Variants in BTLA observed in about 807,000 individuals in gnomAD.
The protein encoded by BTLA is B and T lymphocyte associated, also known as B- and T-lymphocyte attenuator.
In BTLA, 11 loss-of-function variants were observed where a neutral mutation model predicts 25.0. The ratio of observed to expected loss-of-function variants is 0.44; its 90% CI spans 0.28 to 0.73. BTLA has a LOEUF of 0.73. Among genes scored for constraint, BTLA ranks in the 30% least tolerant of loss-of-function variants. The pLI, the probability that BTLA is intolerant of heterozygous loss-of-function variation, is 0.15. For missense variants in BTLA, 282 were observed against 332.8 expected, an observed-to-expected ratio of 0.85 and a Z score of 1.19; for synonymous variants, 104 against 119.8, an observed-to-expected ratio of 0.87 and a Z score of 0.86.
Position 112,465,549 on chromosome 3 carries a change from A to C in BTLA, c.*559T>G, listed in dbSNP as rs1250643945. On this transcript the variant is annotated 3_prime_UTR_variant, in exon 5 of 5. Coordinates refer to ENST00000334529, the MANE Select transcript of BTLA (RefSeq NM_181780.4). ...TTGGTATATTCTATATTTTTATTGC[A>C]CCATTTATTATTTTCATTTTCTTAC... 6.6e-6 allele frequency: 1 copy of C among 152,566 alleles called. No homozygotes were observed. The allele number at this position is 152,566 out of a possible 1,614,324, so 9.5% of individuals were successfully genotyped here.
At chr3:112,477,537 G>T (rs751950901) in intron 2 of BTLA, among the ~76,000 whole-genome samples, 4 of 151,808 alleles carry the variant, frequency 2.6e-5, no homozygotes, top group Admixed American at 2.6e-4. Flanking sequence ...AAATTAGGTT[G>T]CCAGTCTATT....
At position 112,466,242 on chromosome 3, in the gene BTLA, G is replaced by C; in HGVS notation, c.736C>G (p.Pro246Ala). The change falls in exon 5 of 5, where the codon CCA becomes GCA. Residue 246 changes from proline (P) to alanine (A), a missense_variant. Pro to Ala is a conservative substitution (Grantham distance 27). Transcript: ENST00000334529. ...CCTGGTTTGTTTTCTTCCAGGCATG[G>C]ATTAGAATAAACTTCAGACCCTTCC... ...MQEGSEVYSN[P>A]CLEENKPGIV... The C allele has an allele frequency of 6.2e-7, 1 of 1,614,142 alleles. No individual in the cohort carries two copies. Among genetic ancestry groups the C allele is most frequent in the Non-Finnish European group, 8.5e-7 (1 of 1,180,004 alleles).
intron 1 of BTLA, among the ~76,000 whole-genome samples, chr3:112,488,115 G>A (rs1054071256): frequency 6.6e-6 from 1 of 152,000 alleles, no homozygotes; most frequent in Admixed American, 6.6e-5. Context: ...TCTGTTTCAT[G>A]TGGATTATTG....
rs566156882 is a variant in BTLA at position 112,475,455 on chromosome 3, C to T, written c.403+4000G>A. On this transcript the variant is annotated intron_variant, in intron 2 of 4. Transcript: ENST00000334529. ...CTTTCCCCTAAAGTTGGGTTCTTTC[C>T]TCCACAAAATAGATAGATTGTTGAT... Among the ~76,000 whole-genome samples the T allele has an allele frequency of 3.9e-5, 6 of 152,254 alleles. No homozygotes were observed. In the East Asian group the frequency reaches 9.6e-4, roughly 24 times the overall value.
At chr3:112,479,194 C>T (rs114092838) in intron 2 of BTLA, among the ~76,000 whole-genome samples, 6,113 of 152,146 alleles carry the variant, frequency 0.04, 185 homozygotes, top group Non-Finnish European at 0.059. Context: ...TTGGACTTAT[C>T]AAATAAATTT....
At chr3:112,475,392 C>T (rs1039308457) in intron 2 of BTLA, among the ~76,000 whole-genome samples, 10 of 152,164 alleles carry the variant, frequency 6.6e-5, no homozygotes, top group African/African-American at 2.4e-4. Context: ...TTCCATAAAA[C>T]CCCCCAAGGC....
intron 2 of BTLA, among the ~76,000 whole-genome samples, chr3:112,473,024 A>T (rs909263053): frequency 6.6e-6 from 1 of 151,922 alleles, no homozygotes; most frequent in Admixed American, 6.5e-5. Context: ...CACCAAAAAA[A>T]CCTAATTTCC....
chr3:112,483,622 T>C (rs2082330177), intron 1 of BTLA, among the ~76,000 whole-genome samples: 1 of 151,934 alleles, frequency 6.6e-6, no homozygotes, highest in South Asian at 2.1e-4. Flanking sequence ...TGCCTTCTAA[T>C]GGGAAATAAA....
At position 112,466,386 on chromosome 3, in the gene BTLA, A is replaced by T; in HGVS notation, c.595-3T>A. The T allele has an allele frequency of 6.4e-7, 1 of 1,562,208 alleles. No individual in the cohort carries two copies. The highest frequency in any genetic ancestry group is 1.4e-5 in the African/African-American group (1 of 73,270). On this transcript the variant is annotated splice_polypyrimidine_tract_variant and splice_region_variant and intron_variant, in intron 4 of 4. Coordinates refer to ENST00000334529, the MANE Select transcript of BTLA (RefSeq NM_181780.4). ...TCACTCTTAAGGTGAGCATCAACCT[A>T]CAATAGAAAAAAAGATGGTTTTAAG...
intron 2 of BTLA, among the ~76,000 whole-genome samples, chr3:112,477,887 C>T (rs2082297182): frequency 6.6e-6 from 1 of 151,932 alleles, no homozygotes; most frequent in Non-Finnish European, 1.5e-5. Context: ...TATTCTTTCC[C>T]CACTGAATAA....
At chr3:112,488,251 A>G (rs71317505) in intron 1 of BTLA, among the ~76,000 whole-genome samples, 5,311 of 125,822 alleles carry the variant, frequency 0.042, 164 homozygotes, top group Admixed American at 0.1. Context: ...TTTTTGAGAC[A>G]GAGTCTCGCT....
chr3:112,466,955 CTTCTTTTTTT>C (rs1559822331), intron 4 of BTLA, among the ~76,000 whole-genome samples: 4 of 141,778 alleles, frequency 2.8e-5, no homozygotes, highest in Admixed American at 7.0e-5. Context: ...AAAGAAAATT[CTTCTTTTTTT>C]TTTTTTTTTT....
chr3:112,496,356 CA>C (rs376901665), intron 1 of BTLA, among the ~76,000 whole-genome samples: 164 of 152,098 alleles, frequency 1.1e-3, no homozygotes, highest in African/African-American at 3.7e-3. Context: ...TAGAGAAACA[CA>C]AAAAGTAAGC....
rs56752404 is a variant in BTLA, at chr3:112,464,798, AACACACACACACACACAC to A, written c.*1292_*1309del. The A allele has an allele frequency of 6.8e-6, 1 of 146,494 alleles. No homozygotes were observed. Among genetic ancestry groups the A allele is most frequent in the African/African-American group, 2.5e-5 (1 of 40,010 alleles). 9.1% of individuals were successfully genotyped at this position (146,494 alleles called of 1,614,324 possible). ...ATTTCTGTTGTCACCCACCCCACCT[AACACACACACACACACAC>A]ACACACACACACATCACATTCCTTT... On this transcript the variant is annotated 3_prime_UTR_variant, in exon 5 of 5. Coordinates refer to ENST00000334529, the MANE Select transcript of BTLA (RefSeq NM_181780.4).
intron 1 of BTLA, among the ~76,000 whole-genome samples, chr3:112,497,904 C>A (rs186254738): frequency 6.6e-6 from 1 of 152,152 alleles, no homozygotes; most frequent in African/African-American, 2.4e-5. Context: ...TGAAAAATCA[C>A]TGGGCATGGT....
In BTLA at chr3:112,466,315, T is replaced by C; in HGVS notation, c.663A>G (p.Ser221=). The C allele has an allele frequency of 6.2e-7, 1 of 1,613,962 alleles. No individual in the cohort carries two copies. The highest frequency in any genetic ancestry group is 1.3e-5 in the African/African-American group (1 of 75,052). ...STRQNSQVLL[S]ETGIYDNDPD... The stretch of plus-strand genomic sequence containing the variant: ...GGTCATTATCATAAATTCCAGTTTC[T>C]GATAGCAGTACTTGGGAATTTTGCC... Residue 221 remains serine (S), a synonymous_variant, in exon 5 of 5, where the codon TCA becomes TCG. Transcript: ENST00000334529.
chr3:112,473,383 G>C (rs146906142), intron 2 of BTLA, among the ~76,000 whole-genome samples: 1 of 151,910 alleles, frequency 6.6e-6, no homozygotes, highest in Admixed American at 6.6e-5. Context: ...TAAATACAAC[G>C]CAATCTTTGT....
chr3:112,470,468 G>A (rs1193732410), intron 3 of BTLA: 3 of 152,236 alleles, frequency 2.0e-5, no homozygotes, highest in African/African-American at 4.8e-5. Flanking sequence ...CTGGTGTTGT[G>A]AAAACAGGAA....
At chr3:112,499,227 C>T in intron 1 of BTLA, 44 bp downstream of exon 1, 2 of 1,375,164 alleles carry the variant, frequency 1.5e-6, no homozygotes, top group South Asian at 1.2e-5. Flanking sequence ...CCTCCAAGAC[C>T]CCCTGAGAAA....
Sources: allele counts gnomAD v4.1 joint callset (sites outside exome capture counted in the v4.1 genomes callset), GRCh38; gene constraint gnomAD v4.1.1; transcripts MANE v1.5; gene names NCBI Gene and HGNC (gene_info 2026-07-23, HGNC 2026-07-21).